The following SAMD12 variants were observed in gnomAD, a reference collection of about 807,000 sequenced individuals.
SAMD12 encodes the protein sterile alpha motif domain containing 12.
SAMD12 carries 9 observed loss-of-function variants against 15.0 expected under a neutral mutation model. The observed-to-expected ratio is 0.60, with a 90% confidence interval of 0.36 to 1.05. The LOEUF (loss-of-function observed/expected upper bound fraction) is 1.05. Ranked by LOEUF, SAMD12 falls within the 50% of genes least tolerant of loss-of-function variation. SAMD12 has a pLI of 0.01. For missense variants in SAMD12, 230 were observed against 234.2 expected, an observed-to-expected ratio of 0.98 and a Z score of 0.12; for synonymous variants, 86 against 90.1, an observed-to-expected ratio of 0.96 and a Z score of 0.25.
chr8:118,169,690 A>G, the SAMD12 span, among the ~76,000 whole-genome samples: 1 of 152,222 alleles, frequency 6.6e-6, no homozygotes, highest in Non-Finnish European at 1.5e-5. Flanking sequence ...AGATGTTTAC[A>G]AGAGGCAATG....
intron 4 of SAMD12, chr8:118,282,143 C>T (rs1813678899): frequency 2.8e-6 from 1 of 358,758 alleles, no homozygotes. Context: ...TCTCATCTGA[C>T]CATCATGACC....
chr8:118,505,331 A>T (rs1002953549), intron 2 of SAMD12, among the ~76,000 whole-genome samples: 15 of 140,194 alleles, frequency 1.1e-4, no homozygotes, highest in Non-Finnish European at 2.1e-4. Context: ...CTCCTTTCTT[A>T]TGGGCAGAGC....
At chr8:118,575,911 A>G (rs1486204218) in intron 2 of SAMD12, among the ~76,000 whole-genome samples, 1 of 152,204 alleles carries the variant, frequency 6.6e-6, no homozygotes. Flanking sequence ...TTCCACAGCC[A>G]GAATTGCCAT....
chr8:118,286,819 C>T (rs1814051898), intron 4 of SAMD12, among the ~76,000 whole-genome samples: 3 of 152,156 alleles, frequency 2.0e-5, no homozygotes, highest in Admixed American at 2.0e-4. Flanking sequence ...AAACGCCCAC[C>T]ACAGCATCTA....
At chr8:118,159,099 G>A in the SAMD12 span, among the ~76,000 whole-genome samples, 1 of 151,964 alleles carries the variant, frequency 6.6e-6, no homozygotes, top group Non-Finnish European at 1.5e-5. Flanking sequence ...CACATTTCAA[G>A]CATGAGAAGG....
intron 2 of SAMD12, among the ~76,000 whole-genome samples, chr8:118,503,119 T>G (rs771594136): frequency 1.3e-5 from 2 of 152,222 alleles, no homozygotes; most frequent in Non-Finnish European, 2.9e-5. Flanking sequence ...TTGGTGGCTT[T>G]TAATGATGAA....
intron 4 of SAMD12, among the ~76,000 whole-genome samples, chr8:118,345,964 T>C (rs998824452): frequency 4.6e-5 from 7 of 152,132 alleles, no homozygotes; most frequent in African/African-American, 1.7e-4. Context: ...AAAGAACAGA[T>C]GCTGGGGCTA....
chr8:118,459,540 C>T (rs575653209), intron 2 of SAMD12, among the ~76,000 whole-genome samples: 42 of 152,240 alleles, frequency 2.8e-4, no homozygotes, highest in South Asian at 6.2e-4. Flanking sequence ...AGCAGGTATA[C>T]GCCACTGCAT....
the SAMD12 span, among the ~76,000 whole-genome samples, chr8:118,154,820 A>G: frequency 2.8e-4 from 42 of 152,230 alleles, no homozygotes; most frequent in African/African-American, 1.0e-3. Flanking sequence ...CTGAACCTTG[A>G]GAGCAGTGAC....
Position 118,601,335 on chromosome 8 carries a change from T to C in SAMD12, c.14-20442A>G, listed in dbSNP as rs188371089. On this transcript the variant is annotated intron_variant, in intron 1 of 3. Coordinates refer to ENST00000314727, the MANE Select transcript of SAMD12 (RefSeq NM_207506.3). ...ATATTAAATTAGGTTAAAATTACTT[T>C]AGGTTTACAAACAAACTATGCTTTT... 3.3e-4 allele frequency among the ~76,000 whole-genome samples: 50 copies of C among 152,334 alleles called. 1 individual carries two copies. The highest frequency in any genetic ancestry group is 1.1e-3 in the African/African-American group (46 of 41,580).
At chr8:118,531,807 T>C (rs1394198806) in intron 2 of SAMD12, among the ~76,000 whole-genome samples, 2 of 152,320 alleles carry the variant, frequency 1.3e-5, no homozygotes, top group Non-Finnish European at 2.9e-5. Flanking sequence ...AAGTTGCTTA[T>C]CAGCTTAAGG....
At chr8:118,304,576 G>A (rs188764310) in intron 4 of SAMD12, among the ~76,000 whole-genome samples, 4 of 151,912 alleles carry the variant, frequency 2.6e-5, no homozygotes, top group East Asian at 1.9e-4. Flanking sequence ...TGGTTAACAC[G>A]GTGAAACCCC....
chr8:118,523,381 T>G (rs1376131002), intron 2 of SAMD12, among the ~76,000 whole-genome samples: 1 of 152,194 alleles, frequency 6.6e-6, no homozygotes. Context: ...GAAGCAATCA[T>G]GAATCAGCTC....
chr8:118,269,220 C>CTCTCTCTGTGTG (rs1299970707), intron 4 of SAMD12, among the ~76,000 whole-genome samples: 41 of 123,042 alleles, frequency 3.3e-4, no homozygotes, highest in African/African-American at 1.3e-3. Context: ...CTCTCTCTCT[C>CTCTCTCTGTGTG]TGTGTGTGTG....
chr8:118,276,275 T>C (rs1813471815), intron 4 of SAMD12, among the ~76,000 whole-genome samples: 1 of 152,352 alleles, frequency 6.6e-6, no homozygotes, highest in South Asian at 2.1e-4. Flanking sequence ...TGTTAATTTG[T>C]CTTAAATATT....
chr8:118,324,960 C>T (rs1254463310), intron 4 of SAMD12, among the ~76,000 whole-genome samples: 2 of 152,174 alleles, frequency 1.3e-5, no homozygotes, highest in Non-Finnish European at 2.9e-5. Flanking sequence ...TTAACCTACA[C>T]CATGCTATGC....
intron 2 of SAMD12, among the ~76,000 whole-genome samples, chr8:118,467,720 G>A (rs59768431): frequency 0.016 from 2,370 of 152,268 alleles, 62 homozygotes; most frequent in African/African-American, 0.054. Context: ...AGTTAGTAAG[G>A]ATCTGTTTGA....
chr8:118,387,032 T>C (rs900947754), intron 3 of SAMD12, among the ~76,000 whole-genome samples: 4 of 152,218 alleles, frequency 2.6e-5, no homozygotes, highest in Non-Finnish European at 5.9e-5. Context: ...GCTCCAAAAC[T>C]GCTCTCAGGT....
intron 1 of SAMD12, 37 bp from the exon 2 acceptor site, chr8:118,580,930 C>T: frequency 6.5e-7 from 1 of 1,535,052 alleles, no homozygotes; most frequent in Non-Finnish European, 8.9e-7. Flanking sequence ...AGAAAACAAA[C>T]CACATAAAGA....
Sources: allele counts gnomAD v4.1 joint callset (sites outside exome capture counted in the v4.1 genomes callset), GRCh38; gene constraint gnomAD v4.1.1; transcripts MANE v1.5; gene names NCBI Gene and HGNC (gene_info 2026-07-23, HGNC 2026-07-21).